STXBP4: variants seen among roughly 807,000 people sequenced by gnomAD.
STXBP4 encodes syntaxin binding protein 4.
A neutral mutation model predicts 76.1 loss-of-function variants in STXBP4; 55 were observed. The observed-to-expected ratio is 0.72, with a 90% CI of 0.58 to 0.91. STXBP4 has a LOEUF of 0.91. Among genes scored for constraint, STXBP4 ranks in the 40% least tolerant of loss-of-function variants. The probability of loss-of-function intolerance (pLI) is 0.00; values close to 1 mark genes in which losing one functional copy is unlikely to be tolerated. For missense variants in STXBP4, 618 were observed against 636.9 expected (o/e 0.97, Z 0.32); for synonymous variants, 201 against 220.2 (o/e 0.91, Z 0.77).
intron 11 of STXBP4, 128 bp downstream of exon 11, chr17:55,043,453 T>A: frequency 1.3e-6 from 1 of 759,950 alleles, no homozygotes; most frequent in Non-Finnish European, 2.0e-6. Flanking sequence ...TATCAAATAG[T>A]AAAAATCAGA....
intron 7 of STXBP4, among the ~76,000 whole-genome samples, chr17:55,004,746 G>A (rs1416094745): frequency 1.3e-5 from 2 of 151,618 alleles, no homozygotes; most frequent in Non-Finnish European, 2.9e-5. Flanking sequence ...AGGAGGAGGC[G>A]GGGAGGAGGA....
chr17:55,098,082 C>T (rs1436160241), intron 16 of STXBP4, among the ~76,000 whole-genome samples: 2 of 152,140 alleles, frequency 1.3e-5, no homozygotes, highest in Admixed American at 1.3e-4. Flanking sequence ...AGCCTTAAAC[C>T]ATTCTCTTCC....
intron 16 of STXBP4, among the ~76,000 whole-genome samples, chr17:55,125,497 A>AAAAAAAAAAAAAAC (rs2079900616): frequency 6.6e-6 from 1 of 151,318 alleles, no homozygotes; most frequent in Non-Finnish European, 1.5e-5. Context: ...AAAAAAAAAA[A>AAAAAAAAAAAAAAC]AAATACAATT....
intron 7 of STXBP4, 102 bp from the exon 8 acceptor site, chr17:55,007,404 T>C: frequency 1.2e-6 from 1 of 814,806 alleles, no homozygotes. Flanking sequence ...ACTGATTAGC[T>C]AGAATTATTT....
intron 1 of STXBP4, among the ~76,000 whole-genome samples, chr17:54,971,747 G>C (rs1214064479): frequency 6.6e-6 from 1 of 151,928 alleles, no homozygotes; most frequent in Admixed American, 6.6e-5. Context: ...CTTCAATCTG[G>C]AATAGTTGCC....
intron 3 of STXBP4, among the ~76,000 whole-genome samples, chr17:54,986,560 A>G (rs1351189530): frequency 3.9e-5 from 6 of 152,176 alleles, no homozygotes; most frequent in Admixed American, 3.9e-4. Flanking sequence ...TTGAGGCTGT[A>G]GTATGCTATG....
At chr17:55,127,362 T>C (rs1025187849) in intron 16 of STXBP4, among the ~76,000 whole-genome samples, 1 of 152,246 alleles carries the variant, frequency 6.6e-6, no homozygotes, top group Non-Finnish European at 1.5e-5. Context: ...GATCTTCCAA[T>C]TGTTTTCAAT....
chr17:55,085,617 G>T (rs530800287), intron 16 of STXBP4, among the ~76,000 whole-genome samples: 1 of 151,872 alleles, frequency 6.6e-6, no homozygotes, highest in Non-Finnish European at 1.5e-5. Context: ...AAAAGAATGA[G>T]AAAGAGAGAA....
chr17:55,185,642 A>G, the STXBP4 span, among the ~76,000 whole-genome samples: 163 of 152,324 alleles, frequency 1.1e-3, no homozygotes, highest in African/African-American at 3.9e-3. Flanking sequence ...CAAGGTGTTC[A>G]TAGTCAAAGA....
At chr17:55,139,231 T>C (rs1340360727) in intron 16 of STXBP4, among the ~76,000 whole-genome samples, 2 of 152,144 alleles carry the variant, frequency 1.3e-5, no homozygotes, top group Non-Finnish European at 2.9e-5. Flanking sequence ...GGGGATGTGG[T>C]AATCCAATGT....
rs1194595670 is a variant in STXBP4, at chr17:55,000,822, C to A, written c.513C>A (p.Tyr171Ter). 6.2e-7 allele frequency: 1 copy of A among 1,610,114 alleles called. No individual in the cohort carries two copies. Among genetic ancestry groups the A allele is most frequent in the Non-Finnish European group, 8.5e-7 (1 of 1,176,882 alleles). Residue 171 changes from tyrosine (Y) to a stop codon, truncating the protein, a stop_gained, in exon 7 of 18, where the codon TAC becomes TAA. Coordinates refer to ENST00000376352, the MANE Select transcript of STXBP4 (RefSeq NM_178509.6). LOFTEE classifies it high-confidence loss of function. ...ILSSCEIKTG[Y>*]NKTVQIPITS... ...TTCTTTCACAGATAAAAACTGGATA[C>A]AACAAAACAGTACAGATTCCAATTA...
At chr17:55,185,305 C>A in the STXBP4 span, among the ~76,000 whole-genome samples, 1 of 112,888 alleles carries the variant, frequency 8.9e-6, no homozygotes, top group Admixed American at 8.7e-5. Flanking sequence ...TTCTCCTTCT[C>A]CTTCTCCTTC....
intron 16 of STXBP4, among the ~76,000 whole-genome samples, chr17:55,114,398 A>G (rs2079758395): frequency 6.6e-6 from 1 of 152,062 alleles, no homozygotes; most frequent in South Asian, 2.1e-4. Context: ...TAATAAACTA[A>G]GTAAAGCATG....
intron 16 of STXBP4, among the ~76,000 whole-genome samples, chr17:55,095,839 A>G (rs576461830): frequency 2.5e-4 from 38 of 152,338 alleles, no homozygotes; most frequent in African/African-American, 9.1e-4. Flanking sequence ...TGTCAGAATC[A>G]TAATTCAGGT....
At chr17:55,204,798 A>G in the STXBP4 span, among the ~76,000 whole-genome samples, 1 of 148,588 alleles carries the variant, frequency 6.7e-6, no homozygotes, top group East Asian at 2.0e-4. Flanking sequence ...TATCTCTTCA[A>G]TGCCTTCAAG....
chr17:55,149,519 A>G (rs559410159), intron 17 of STXBP4, among the ~76,000 whole-genome samples: 30 of 152,322 alleles, frequency 2.0e-4, no homozygotes, highest in African/African-American at 7.0e-4. Context: ...AATTTGGGGT[A>G]AAAAGCACCT....
chr17:55,008,701 A>G (rs1267079252), intron 8 of STXBP4, among the ~76,000 whole-genome samples: 2 of 152,160 alleles, frequency 1.3e-5, no homozygotes, highest in Admixed American at 1.3e-4. Flanking sequence ...TCAGATTCTT[A>G]ACATCTCTGT....
At chr17:55,048,087 A>C (rs1189211156) in intron 12 of STXBP4, among the ~76,000 whole-genome samples, 1 of 151,854 alleles carries the variant, frequency 6.6e-6, no homozygotes, top group Non-Finnish European at 1.5e-5. Context: ...GGTTCTTAGC[A>C]CTAGCTACAA....
intron 16 of STXBP4, among the ~76,000 whole-genome samples, chr17:55,093,624 T>A (rs2787499): frequency 0.23 from 35,706 of 152,172 alleles, 4,676 homozygotes; most frequent in South Asian, 0.32. Context: ...TGTTGTAAGG[T>A]TCCATTAAGA....
Sources: allele counts gnomAD v4.1 joint callset (sites outside exome capture counted in the v4.1 genomes callset), GRCh38; gene constraint gnomAD v4.1.1; transcripts MANE v1.5; gene names NCBI Gene and HGNC (gene_info 2026-07-23, HGNC 2026-07-21).